PTCD1: variants seen among roughly 807,000 people sequenced by gnomAD.
The protein encoded by PTCD1 is pentatricopeptide repeat-containing protein 1, mitochondrial.
A neutral mutation model predicts 53.4 loss-of-function variants in PTCD1; 50 were observed. The observed-to-expected ratio is 0.94, with a 90% confidence interval of 0.75 to 1.19. PTCD1 has a LOEUF of 1.19. PTCD1 is among the 50% of genes most tolerant of loss of function. The pLI is 0.00. For synonymous variants in PTCD1, 413 were observed against 394.8 expected (o/e 1.05, Z -0.55); for missense variants, 918 against 904.8 (o/e 1.01, Z -0.19).
At chr7:99,431,696 G>A (rs767688013) in intron 3 of PTCD1, among the ~76,000 whole-genome samples, 50 of 152,166 alleles carry the variant, frequency 3.3e-4, no homozygotes, top group African/African-American at 8.2e-4. Flanking sequence ...AGCCGAGGTC[G>A]CACCACTGCA....
rs759256492 is a variant in PTCD1 at position 99,425,049 on chromosome 7, C to T, written c.1483G>A (p.Glu495Lys). 1.4e-5 allele frequency: 22 copies of T among 1,614,068 alleles called. No individual in the cohort carries two copies. The highest frequency in any genetic ancestry group is 2.2e-5 in the East Asian group (1 of 44,904). Residue 495 changes from glutamate to lysine, a missense_variant, in exon 6 of 8, where the codon GAG (glutamate) becomes AAG (lysine). By Grantham distance (56) the Glu-to-Lys change is moderately conservative. Transcript: ENST00000292478. ...PDIRTLTLLA[E>K]VVESGSPAES... ...GCAGGACTCCCGGACTCCACCACCT[C>T]GGCCAGTAGCGTGAGGGTCCTGATG...
chr7:99,429,224 C>T lies in PTCD1; in HGVS notation c.814-20G>A, dbSNP rs113563048. 9 of 1,613,640 alleles carry T rather than the reference C, an allele frequency of 5.6e-6. No individual in the cohort carries two copies. The African/African-American group carries it at 6.7e-5, about 12-fold the overall frequency. On this transcript the variant is annotated intron_variant, in intron 4 of 7. Coordinates refer to ENST00000292478, the MANE Select transcript of PTCD1 (RefSeq NM_015545.4). ...GATTTCCTGGGGGAGGGAACAAAGA[C>T]GTCCCACTGAGAACCTGCAGCAGGC...
rs548457358 is a variant in PTCD1 at position 99,435,034 on chromosome 7, G to C, written c.209C>G (p.Pro70Arg). 4.3e-6 allele frequency: 7 copies of C among 1,613,752 alleles called. No homozygotes were observed. Among genetic ancestry groups the C allele is most frequent in the Non-Finnish European group, 5.9e-6 (7 of 1,179,920 alleles). ...CGTGGCCGTGGAGTTGGAGTGGCTCGGGTCAGAGCCCAGGCTGCCCGTGTT... is the reference window on the plus strand; with the variant it reads ...CGTGGCCGTGGAGTTGGAGTGGCTCCGGTCAGAGCCCAGGCTGCCCGTGTT... The part of the protein sequence containing the change: ...QENTGSLGSD[P>R]SHSNSTATQE... The change falls in exon 2 of 8, where the codon CCG (proline) becomes CGG (arginine). Residue 70 changes from proline (P) to arginine (R), a missense_variant. By Grantham distance (103) the Pro-to-Arg change is moderately radical. Transcript: ENST00000292478.
At chr7:99,433,178 G>GAA in intron 3 of PTCD1, 100 bp downstream of exon 3, 1 of 1,577,942 alleles carries the variant, frequency 6.3e-7, no homozygotes, top group South Asian at 1.1e-5. Context: ...CCAGGGAGGT[G>GAA]AAGTCACCTG....
rs1005831772 is a variant in PTCD1 at position 99,419,833 on chromosome 7, C to T, written c.*134G>A. 6 of 1,485,900 alleles carry T rather than the reference C, an allele frequency of 4.0e-6. No homozygotes were observed. The African/African-American group carries it at 5.5e-5, about 14-fold the overall frequency. The allele number at this position is 1,485,900 out of a possible 1,614,324, so 92.0% of individuals were successfully genotyped here. The stretch of plus-strand genomic sequence containing the variant: ...CCTTGGGCCTAGTGTGTGTCCTCAC[C>T]AACACCTGTGACACGCTGCGGCTGT... On this transcript the variant is annotated 3_prime_UTR_variant, in exon 8 of 8. Transcript: ENST00000292478.
chr7:99,421,461 G>A (rs866291266), intron 7 of PTCD1, among the ~76,000 whole-genome samples: 2 of 150,182 alleles, frequency 1.3e-5, no homozygotes, highest in Middle Eastern at 3.4e-3. Flanking sequence ...AAAAGAAAAT[G>A]CGGCACGGCA....
At chr7:99,427,338 C>T (rs1212877034) in intron 5 of PTCD1, among the ~76,000 whole-genome samples, 5 of 144,704 alleles carry the variant, frequency 3.5e-5, no homozygotes, top group Non-Finnish European at 7.7e-5. Flanking sequence ...CCAGCCGCCC[C>T]GTCCGGGAGG....
chr7:99,432,600 C>T (rs1187730753), intron 3 of PTCD1, among the ~76,000 whole-genome samples: 1 of 148,888 alleles, frequency 6.7e-6, no homozygotes, highest in Admixed American at 6.6e-5. Context: ...CGCAGGTCCT[C>T]CGTATGCGCA....
chr7:99,430,286 A>C (rs910611076), intron 3 of PTCD1, among the ~76,000 whole-genome samples: 1 of 152,228 alleles, frequency 6.6e-6, no homozygotes, highest in Admixed American at 6.5e-5. Flanking sequence ...CAGTGGCACA[A>C]TGCACATTCT....
At chr7:99,435,770 C>T (rs1253730213) in intron 1 of PTCD1, among the ~76,000 whole-genome samples, 1 of 151,436 alleles carries the variant, frequency 6.6e-6, no homozygotes, top group Non-Finnish European at 1.5e-5. Flanking sequence ...CCCATCTCTA[C>T]TAAAAATACA....
intron 3 of PTCD1, among the ~76,000 whole-genome samples, chr7:99,431,759 G>A (rs1448428971): frequency 6.6e-6 from 1 of 152,050 alleles, no homozygotes; most frequent in African/African-American, 2.4e-5. Context: ...AAGGACTGTA[G>A]GAAAAAGAAA....
chr7:99,420,852 C>G (rs1584450070), intron 7 of PTCD1, among the ~76,000 whole-genome samples: 1 of 151,916 alleles, frequency 6.6e-6, no homozygotes, highest in East Asian at 1.9e-4. Context: ...GAGGTTAAGG[C>G]AGGAGAATGG....
rs367628316 is a variant in PTCD1 at position 99,419,355 on chromosome 7, G to A, written c.*612C>T. 2.7e-5 allele frequency: 44 copies of A among 1,610,902 alleles called. No homozygotes were observed. The highest frequency in any genetic ancestry group is 1.4e-4 in the South Asian group (13 of 91,064). On this transcript the variant is annotated 3_prime_UTR_variant, in exon 8 of 8. Transcript: ENST00000292478. ...GTGAGTGTGCAGGGGCGAGCGTGGCGCAGTGGCATCGTCTCACTGTCCTCC... is the reference window on the plus strand; with the variant it reads ...GTGAGTGTGCAGGGGCGAGCGTGGCACAGTGGCATCGTCTCACTGTCCTCC...
chr7:99,424,742 G>A (rs1026175095), intron 6 of PTCD1, 53 bp downstream of exon 6: 2 of 1,604,654 alleles, frequency 1.2e-6, no homozygotes, highest in Non-Finnish European at 8.5e-7. Flanking sequence ...CTCCTGAGCT[G>A]CAGAGTGCTC....
In PTCD1 at chr7:99,417,954, A is replaced by AAC; in HGVS notation, c.*2011_*2012dup. On this transcript the variant is annotated 3_prime_UTR_variant, in exon 8 of 8. Coordinates refer to ENST00000292478, the MANE Select transcript of PTCD1 (RefSeq NM_015545.4). ...CTTTCAGTCCTCACAGTGATACTTT[A>AAC]ACATTACCATCACTATCTTTCCCGC... 1 of 1,217,302 alleles carries AAC rather than the reference A, an allele frequency of 8.2e-7. No homozygotes were observed. Among genetic ancestry groups the AAC allele is most frequent in the Non-Finnish European group, 1.0e-6 (1 of 964,464 alleles). The allele number at this position is 1,217,302 out of a possible 1,614,324, so 75.4% of individuals were successfully genotyped here.
At chr7:99,427,974 C>CCGCAGGGT (rs1008244568) in intron 5 of PTCD1, among the ~76,000 whole-genome samples, 1 of 150,494 alleles carries the variant, frequency 6.6e-6, no homozygotes, top group Non-Finnish European at 1.5e-5. Context: ...CTGCAGAAGG[C>CCGCAGGGT]CGCAGGGTCG....
chr7:99,423,714 G>T, intron 7 of PTCD1, 61 bp downstream of exon 7: 2 of 1,610,720 alleles, frequency 1.2e-6, no homozygotes, highest in Non-Finnish European at 1.7e-6. Context: ...GGGTTGGGTG[G>T]TGGGGGGAGG....
chr7:99,422,198 C>G (rs1352376395), intron 7 of PTCD1, among the ~76,000 whole-genome samples: 1 of 152,240 alleles, frequency 6.6e-6, no homozygotes, highest in Non-Finnish European at 1.5e-5. Flanking sequence ...CAGCCAGACA[C>G]AATTTCCATT....
At chr7:99,426,795 C>T (rs1484843774) in intron 5 of PTCD1, among the ~76,000 whole-genome samples, 1 of 150,088 alleles carries the variant, frequency 6.7e-6, no homozygotes, top group Non-Finnish European at 1.5e-5. Flanking sequence ...GGCCGCCCAT[C>T]GTCTGAGATG....
Sources: allele counts gnomAD v4.1 joint callset (sites outside exome capture counted in the v4.1 genomes callset), GRCh38; gene constraint gnomAD v4.1.1; transcripts MANE v1.5; gene names NCBI Gene and HGNC (gene_info 2026-07-23, HGNC 2026-07-21).